The following CALN1 variants were observed in gnomAD, a reference collection of about 807,000 sequenced individuals.
The protein encoded by CALN1 is calcium-binding protein 8.
In CALN1, 17 loss-of-function variants were observed where a neutral mutation model predicts 30.6. The ratio of observed to expected loss-of-function variants is 0.56; its 90% confidence interval spans 0.38 to 0.83. CALN1 has a LOEUF of 0.83. Among genes scored for constraint, CALN1 ranks in the 40% least tolerant of loss-of-function variants. The pLI is 0.00. For missense variants in CALN1, 291 were observed against 354.9 expected (o/e 0.82, Z 1.45); for synonymous variants, 156 against 131.4 (o/e 1.19, Z -1.28).
At chr7:71,954,552 T>G (rs576492309) in intron 5 of CALN1, among the ~76,000 whole-genome samples, 9 of 152,312 alleles carry the variant, frequency 5.9e-5, no homozygotes, top group African/African-American at 2.2e-4. Flanking sequence ...CTCAGGAGGC[T>G]GAGGCAGGAG....
At chr7:72,448,352 G>A (rs937519929), upstream of CALN1, among the ~76,000 whole-genome samples, 3 of 152,136 alleles carry the variant, frequency 2.0e-5, no homozygotes, top group Non-Finnish European at 2.9e-5. Context: ...TGGCATCTCC[G>A]GCTGCCTTTG....
chr7:72,209,784 G>T (rs1423684194), intron 3 of CALN1, among the ~76,000 whole-genome samples: 1 of 152,034 alleles, frequency 6.6e-6, no homozygotes, highest in Non-Finnish European at 1.5e-5. Context: ...CAGAGAAATG[G>T]AATCCTACAT....
intron 4 of CALN1, among the ~76,000 whole-genome samples, chr7:72,063,906 A>G (rs1408748641): frequency 1.3e-5 from 2 of 152,178 alleles, no homozygotes; most frequent in Non-Finnish European, 2.9e-5. Context: ...GGAATTTCAG[A>G]TAAGGAATAC....
At chr7:71,962,645 A>C (rs1797307366) in intron 5 of CALN1, among the ~76,000 whole-genome samples, 1 of 152,238 alleles carries the variant, frequency 6.6e-6, no homozygotes, top group African/African-American at 2.4e-5. Context: ...ATTCCCCTAG[A>C]AACCTTTCAT....
chr7:72,194,881 G>C (rs1328003801), intron 3 of CALN1, among the ~76,000 whole-genome samples: 1 of 151,850 alleles, frequency 6.6e-6, no homozygotes, highest in Non-Finnish European at 1.5e-5. Context: ...TGAGCCTCTT[G>C]CCTTTTATTC....
chr7:72,361,336 G>A (rs1250280173), intron 2 of CALN1, among the ~76,000 whole-genome samples: 1 of 151,962 alleles, frequency 6.6e-6, no homozygotes, highest in Non-Finnish European at 1.5e-5. Context: ...AAGTAAAATT[G>A]ATGTGAAATA....
chr7:72,351,751 C>T (rs1243496563), intron 2 of CALN1, among the ~76,000 whole-genome samples: 1 of 151,796 alleles, frequency 6.6e-6, no homozygotes, highest in Non-Finnish European at 1.5e-5. Flanking sequence ...CCAGAAAAGT[C>T]ATGAAAAGGG....
At chr7:72,299,329 A>G (rs1799086178) in intron 2 of CALN1, among the ~76,000 whole-genome samples, 1 of 152,232 alleles carries the variant, frequency 6.6e-6, no homozygotes, top group Non-Finnish European at 1.5e-5. Flanking sequence ...ACACTATCCT[A>G]GAAATTCTAC....
intron 5 of CALN1, among the ~76,000 whole-genome samples, chr7:71,852,471 T>TA (rs35252557): frequency 0.34 from 40,115 of 118,502 alleles, 7,116 homozygotes; most frequent in African/African-American, 0.47. Flanking sequence ...ACCCTGTCTC[T>TA]AAAAAAAAAA....
At chr7:72,194,452 C>A (rs904376827) in intron 3 of CALN1, among the ~76,000 whole-genome samples, 3 of 152,062 alleles carry the variant, frequency 2.0e-5, no homozygotes, top group African/African-American at 4.8e-5. Flanking sequence ...ATCACTTTAG[C>A]CTGGGAGAGG....
intron 2 of CALN1, among the ~76,000 whole-genome samples, chr7:72,289,066 G>T (rs1303191921): frequency 6.6e-6 from 1 of 152,072 alleles, no homozygotes; most frequent in Non-Finnish European, 1.5e-5. Flanking sequence ...GAATTATGAA[G>T]GTTAACCTAG....
chr7:72,005,559 T>A (rs1799726472), intron 5 of CALN1, among the ~76,000 whole-genome samples: 1 of 152,046 alleles, frequency 6.6e-6, no homozygotes. Context: ...CTCAAACTCC[T>A]GGGCTCAAGC....
At chr7:71,990,943 TA>T (rs1442430367) in intron 5 of CALN1, among the ~76,000 whole-genome samples, 2 of 151,560 alleles carry the variant, frequency 1.3e-5, no homozygotes, top group Non-Finnish European at 2.9e-5. Context: ...CAAGGAGTAC[TA>T]ACGCAGAGGA....
intron 3 of CALN1, among the ~76,000 whole-genome samples, chr7:72,219,723 T>C (rs1313463067): frequency 1.7e-4 from 25 of 150,778 alleles, no homozygotes; most frequent in Admixed American, 1.7e-3. Context: ...CGTGCACACA[T>C]ACACACAAGC....
intron 3 of CALN1, among the ~76,000 whole-genome samples, chr7:72,138,438 C>A (rs1585018644): frequency 6.6e-6 from 1 of 152,194 alleles, no homozygotes; most frequent in Non-Finnish European, 1.5e-5. Context: ...CATCTGAAGC[C>A]TCAGAGTAGA....
At chr7:72,087,543 A>C (rs536481790) in intron 4 of CALN1, among the ~76,000 whole-genome samples, 1 of 152,358 alleles carries the variant, frequency 6.6e-6, no homozygotes, top group African/African-American at 2.4e-5. Context: ...CAACTAACTA[A>C]AAGATGTCAC....
chr7:72,447,649 G>A (rs1808568759), upstream of CALN1, among the ~76,000 whole-genome samples: 1 of 151,990 alleles, frequency 6.6e-6, no homozygotes, highest in East Asian at 1.9e-4. Context: ...GCCTACCCAT[G>A]TACACACACA....
intron 5 of CALN1, among the ~76,000 whole-genome samples, chr7:71,997,233 T>TA (rs557353720): frequency 2.9e-3 from 386 of 133,482 alleles, no homozygotes; most frequent in African/African-American, 6.5e-3. Flanking sequence ...ATCCTGTCTC[T>TA]AAAAAAAAAA....
chr7:71,928,448 CAAA>C (rs60088732), intron 5 of CALN1, among the ~76,000 whole-genome samples: 4 of 99,890 alleles, frequency 4.0e-5, no homozygotes, highest in Admixed American at 2.0e-4. Context: ...CTTTTAATGG[CAAA>C]AAAAAAAAAA....
Sources: gnomAD v4.1 joint callset for allele counts (sites outside exome capture counted in the v4.1 genomes callset) on GRCh38, gnomAD v4.1.1 for gene constraint, MANE v1.5 for transcripts, NCBI Gene and HGNC (gene_info 2026-07-23, HGNC 2026-07-21) for gene names.